Variants in PIK3C2G observed in about 807,000 individuals in gnomAD.
PIK3C2G encodes phosphatidylinositol-4-phosphate 3-kinase catalytic subunit type 2 gamma, also known as phosphatidylinositol 3-kinase C2 domain-containing subunit gamma.
A neutral mutation model predicts 181.1 loss-of-function variants in PIK3C2G; 168 were observed. That is an observed-to-expected ratio of 0.93 (90% CI 0.82 to 1.05). The LOEUF (loss-of-function observed/expected upper bound fraction) is 1.05. Ranked by LOEUF, PIK3C2G falls within the 50% of genes least tolerant of loss-of-function variation. The pLI is 0.00. For missense variants in PIK3C2G, 1,869 were observed against 1,732.8 expected (o/e 1.08, Z -1.40); for synonymous variants, 573 against 592.2 (o/e 0.97, Z 0.47).
intron 28 of PIK3C2G, among the ~76,000 whole-genome samples, chr12:18,565,917 A>G (rs1383020148): frequency 1.3e-5 from 2 of 152,292 alleles, no homozygotes; most frequent in Middle Eastern, 3.4e-3. Flanking sequence ...CTATGCATAT[A>G]TGGATATGTA....
At chr12:18,423,766 T>C (rs71583806) in intron 17 of PIK3C2G, among the ~76,000 whole-genome samples, 179 bp from the exon 18 acceptor site, 1 of 152,334 alleles carries the variant, frequency 6.6e-6, no homozygotes, top group South Asian at 2.1e-4. Flanking sequence ...AATGGTGTAA[T>C]GTATATGTGT....
intron 18 of PIK3C2G, among the ~76,000 whole-genome samples, chr12:18,427,969 T>C (rs542519455): frequency 2.0e-5 from 3 of 152,270 alleles, no homozygotes; most frequent in African/African-American, 4.8e-5. Flanking sequence ...ACGTGTAGGT[T>C]TGTTACATAG....
chr12:18,532,972 T>C (rs1943640907), intron 24 of PIK3C2G, among the ~76,000 whole-genome samples: 1 of 151,702 alleles, frequency 6.6e-6, no homozygotes, highest in Non-Finnish European at 1.5e-5. Context: ...ATGTATTTCA[T>C]GCCTAGAATA....
At chr12:18,411,490 A>T (rs944122543) in intron 16 of PIK3C2G, among the ~76,000 whole-genome samples, 4 of 43,684 alleles carry the variant, frequency 9.2e-5, no homozygotes, top group African/African-American at 1.6e-4. Context: ...AATCATCTTA[A>T]AAAAATCCTA....
chr12:18,399,376 A>G (rs1027034278), intron 15 of PIK3C2G, among the ~76,000 whole-genome samples: 1 of 151,564 alleles, frequency 6.6e-6, no homozygotes, highest in Non-Finnish European at 1.5e-5. Flanking sequence ...CCAAAATGAC[A>G]TATTAAAAAA....
chr12:18,309,076 A>T (rs1950536991), intron 5 of PIK3C2G, among the ~76,000 whole-genome samples: 1 of 151,772 alleles, frequency 6.6e-6, no homozygotes, highest in South Asian at 2.1e-4. Flanking sequence ...TCTTTCTTTG[A>T]TACTACACCA....
chr12:18,572,359 C>T (rs186574237), intron 29 of PIK3C2G, among the ~76,000 whole-genome samples: 11 of 145,708 alleles, frequency 7.5e-5, no homozygotes, highest in African/African-American at 1.5e-4. Flanking sequence ...ATATATAAAG[C>T]GATATATATA....
chr12:18,598,114 C>A (rs1415277408), intron 30 of PIK3C2G, among the ~76,000 whole-genome samples: 2 of 152,104 alleles, frequency 1.3e-5, no homozygotes, highest in Non-Finnish European at 2.9e-5. Context: ...CATCAAGCTA[C>A]CAATGACTTT....
At chr12:18,418,209 G>A (rs1303060060) in intron 16 of PIK3C2G, among the ~76,000 whole-genome samples, 2 of 152,064 alleles carry the variant, frequency 1.3e-5, no homozygotes, top group Non-Finnish European at 2.9e-5. Flanking sequence ...ATCTTAAGTG[G>A]GAGTCAACCA....
intron 9 of PIK3C2G, among the ~76,000 whole-genome samples, chr12:18,339,403 C>G (rs1299608172): frequency 1.3e-5 from 2 of 152,006 alleles, no homozygotes; most frequent in Non-Finnish European, 2.9e-5. Context: ...GTTCATTTCA[C>G]TATGAAAACT....
chr12:18,319,371 G>A (rs1951007302), intron 6 of PIK3C2G, among the ~76,000 whole-genome samples: 1 of 151,820 alleles, frequency 6.6e-6, no homozygotes. Context: ...TAAGGCCAAG[G>A]TATGGCCTCA....
At chr12:18,320,116 G>C (rs1473390037) in intron 6 of PIK3C2G, 2 of 152,116 alleles carry the variant, frequency 1.3e-5, no homozygotes. Flanking sequence ...ATTTCTAATA[G>C]TCAGTTTTAA....
intron 13 of PIK3C2G, among the ~76,000 whole-genome samples, chr12:18,376,565 A>G (rs1942451951): frequency 6.6e-6 from 1 of 152,170 alleles, no homozygotes; most frequent in African/African-American, 2.4e-5. Context: ...ACTATTGAGA[A>G]GGCATGATTG....
At chr12:18,500,476 C>G (rs1011848276) in intron 22 of PIK3C2G, among the ~76,000 whole-genome samples, 1 of 152,188 alleles carries the variant, frequency 6.6e-6, no homozygotes, top group African/African-American at 2.4e-5. Flanking sequence ...CGAGCGCGGC[C>G]CCCTGCTCCA....
At chr12:18,381,966 C>T (rs1243610724) in intron 14 of PIK3C2G, 86 bp downstream of exon 14, 1 of 834,880 alleles carries the variant, frequency 1.2e-6, no homozygotes, top group Non-Finnish European at 2.1e-6. Context: ...ACAATTTCTT[C>T]CAGGATCACA....
At chr12:18,551,520 C>T (rs1393239235) in intron 26 of PIK3C2G, among the ~76,000 whole-genome samples, 1 of 151,986 alleles carries the variant, frequency 6.6e-6, no homozygotes, top group Non-Finnish European at 1.5e-5. Flanking sequence ...CATGTATGCT[C>T]AGATATTCCA....
At chr12:18,340,411 A>T (rs12306585) in intron 9 of PIK3C2G, among the ~76,000 whole-genome samples, 1 of 152,172 alleles carries the variant, frequency 6.6e-6, no homozygotes, top group Non-Finnish European at 1.5e-5. Flanking sequence ...AGCTTGTATC[A>T]GAGTCTTAAA....
At chr12:18,441,727 A>G (rs543615896) in intron 18 of PIK3C2G, among the ~76,000 whole-genome samples, 32 of 152,150 alleles carry the variant, frequency 2.1e-4, no homozygotes, top group Admixed American at 8.5e-4. Flanking sequence ...TTATAGTAAT[A>G]GAGAAGTCTA....
At chr12:18,292,221 AAAAAAAATATAT>A (rs1055608523) in intron 4 of PIK3C2G, among the ~76,000 whole-genome samples, 2 of 78,826 alleles carry the variant, frequency 2.5e-5, no homozygotes, top group African/African-American at 1.2e-4. Flanking sequence ...AAAAAAAAAA[AAAAAAAATATAT>A]ATATATATAT....
Sources: gnomAD v4.1 joint callset for allele counts (sites outside exome capture counted in the v4.1 genomes callset) on GRCh38, gnomAD v4.1.1 for gene constraint, MANE v1.5 for transcripts, NCBI Gene and HGNC (gene_info 2026-07-23, HGNC 2026-07-21) for gene names.